ZNF100: variants seen among roughly 807,000 people sequenced by gnomAD.
ZNF100 encodes the protein zinc finger protein 100 (Y1).
In ZNF100, 12 loss-of-function variants were observed where a neutral mutation model predicts 15.8. That is an observed-to-expected ratio of 0.76 (90% CI 0.49 to 1.23). ZNF100 has a LOEUF of 1.23. Among genes scored for constraint, ZNF100 ranks in the 50% most tolerant of loss-of-function variants. The probability of loss-of-function intolerance (pLI) is 0.00; values close to 1 mark genes in which losing one functional copy is unlikely to be tolerated. For missense variants in ZNF100, 670 were observed against 635.6 expected, an observed-to-expected ratio of 1.05 and a Z score of -0.58; for synonymous variants, 226 against 214.8, an observed-to-expected ratio of 1.05 and a Z score of -0.45.
chr19:21,761,404 G>A (rs1483409285), intron 2 of ZNF100, among the ~76,000 whole-genome samples: 6 of 152,128 alleles, frequency 3.9e-5, no homozygotes, highest in Non-Finnish European at 7.4e-5. Flanking sequence ...TTTTACCAAG[G>A]CTTCTGACTA....
At position 21,725,857 on chromosome 19, in the gene ZNF100, C is replaced by A. The variant is rs926851350; in HGVS notation, c.*826G>T. ...GCCTTACATATTTCTACTGTAAATTCTCTGATATTTACAGACTTAATGATT... is the reference window on the plus strand; with the variant it reads ...GCCTTACATATTTCTACTGTAAATTATCTGATATTTACAGACTTAATGATT... On this transcript the variant is annotated 3_prime_UTR_variant, in exon 5 of 5. Coordinates refer to ENST00000358296, the MANE Select transcript of ZNF100 (RefSeq NM_173531.4). 2.7e-5 allele frequency: 4 copies of A among 147,908 alleles called. No homozygotes were observed. Among genetic ancestry groups the A allele is most frequent in the Admixed American group, 6.7e-5 (1 of 14,984 alleles). The allele number at this position is 147,908 out of a possible 1,614,324, so 9.2% of individuals were successfully genotyped here. A position where few individuals can be genotyped will look rare whatever the true frequency, so the allele number is the denominator to read the frequency against.
chr19:21,757,953 C>A (rs78067511), intron 2 of ZNF100, among the ~76,000 whole-genome samples: 8,197 of 152,070 alleles, frequency 0.054, 236 homozygotes, highest in African/African-American at 0.087. Context: ...AGGAGGACCC[C>A]TTGAGCCTTG....
At chr19:21,736,218 G>A (rs762460756) in intron 4 of ZNF100, among the ~76,000 whole-genome samples, 3 of 152,118 alleles carry the variant, frequency 2.0e-5, no homozygotes, top group Non-Finnish European at 2.9e-5. Flanking sequence ...TTCCTGAGTA[G>A]GTGGGATTAC....
chr19:21,731,840 A>G (rs965638436), intron 4 of ZNF100, among the ~76,000 whole-genome samples: 3 of 152,248 alleles, frequency 2.0e-5, no homozygotes, highest in African/African-American at 7.2e-5. Flanking sequence ...AAAGTGCCAG[A>G]ACATCAGACA....
At chr19:21,763,589 G>A (rs890715746) in intron 2 of ZNF100, among the ~76,000 whole-genome samples, 4 of 140,248 alleles carry the variant, frequency 2.9e-5, no homozygotes, top group Non-Finnish European at 4.5e-5. Context: ...ACTCCATCCC[G>A]GGGGGAAAAA....
chr19:21,754,642 C>A (rs1036004563), intron 2 of ZNF100, among the ~76,000 whole-genome samples: 4 of 152,090 alleles, frequency 2.6e-5, no homozygotes, highest in Admixed American at 6.6e-5. Context: ...TTAACTTATA[C>A]AAAAAGTAAC....
rs78722705 is a variant in ZNF100, at chr19:21,726,990, G to A, written c.1322C>T (p.Ser441Phe). 1 of 1,613,016 alleles carries A rather than the reference G, an allele frequency of 6.2e-7. No individual in the cohort carries two copies. Among genetic ancestry groups the A allele is most frequent in the African/African-American group, 1.3e-5 (1 of 74,968 alleles). ...CEECGKAFNE[S>F]SNLTTHKMIH... ...CATCTTATGGGTAGTAAGGTTTGAGGACTCATTAAAAGCTTTGCCACATTC... is the reference window on the plus strand; with the variant it reads ...CATCTTATGGGTAGTAAGGTTTGAGAACTCATTAAAAGCTTTGCCACATTC... Residue 441 changes from serine to phenylalanine, a missense_variant, in exon 5 of 5, where the codon TCC (serine) becomes TTC (phenylalanine). Coordinates refer to ENST00000358296, the MANE Select transcript of ZNF100 (RefSeq NM_173531.4).
chr19:21,727,009 C>A lies in ZNF100; in HGVS notation c.1303G>T (p.Gly435Cys). 6.2e-7 allele frequency: 1 copy of A among 1,613,848 alleles called. No individual in the cohort carries two copies. The highest frequency in any genetic ancestry group is 8.5e-7 in the Non-Finnish European group (1 of 1,179,894). ...TTTGAGGACTCATTAAAAGCTTTGC[C>A]ACATTCTTCACATTTGTAGGGTTTC... ...GEKPYKCEEC[G>C]KAFNESSNLT... Residue 435 changes from glycine to cysteine, a missense_variant, in exon 5 of 5, where the codon GGC becomes TGC. Physicochemically the swap from Gly to Cys is radical, Grantham distance 159 (BLOSUM62 -3). Transcript: ENST00000358296.
intron 4 of ZNF100, among the ~76,000 whole-genome samples, chr19:21,740,274 T>TA (rs1264972234): frequency 6.6e-6 from 1 of 152,214 alleles, no homozygotes; most frequent in Non-Finnish European, 1.5e-5. Context: ...TCAACACTGA[T>TA]AAAGTTGGAT....
At chr19:21,767,355 C>T (rs777722188) in intron 1 of ZNF100, 72 bp downstream of exon 1, 171 of 1,612,130 alleles carry the variant, frequency 1.1e-4, no homozygotes, top group Admixed American at 1.7e-4. Flanking sequence ...CTGAGTCCCG[C>T]CACAGCTACT....
intron 4 of ZNF100, among the ~76,000 whole-genome samples, 193 bp downstream of exon 4, chr19:21,743,824 T>C (rs1342074039): frequency 1.5e-5 from 1 of 65,712 alleles, no homozygotes; most frequent in Non-Finnish European, 2.9e-5. Flanking sequence ...TTTAAAAGCA[T>C]AAGACAGAAG....
Position 21,727,282 on chromosome 19 carries a change from G to A in ZNF100, c.1030C>T (p.Pro344Ser). Residue 344 changes from proline (P) to serine (S), a missense_variant, in exon 5 of 5, where the codon CCC becomes TCC. By Grantham distance (74) the Pro-to-Ser change is moderately conservative (BLOSUM62 -1). Transcript: ENST00000358296. Reference sequence around the variant, plus strand: ...TTGCCACATTCTTCACATTTGTAGGGTTTCTCTCCAGTATGAATTATCCTG... The same window carrying A: ...TTGCCACATTCTTCACATTTGTAGGATTTCTCTCCAGTATGAATTATCCTG... ...THRIIHTGEK[P>S]YKCEECGKAF... is the part of the protein sequence containing the mutation. 5 of 1,613,444 alleles carry A rather than the reference G, an allele frequency of 3.1e-6. No homozygotes were observed. The highest frequency in any genetic ancestry group is 4.2e-6 in the Non-Finnish European group (5 of 1,179,902).
intron 2 of ZNF100, among the ~76,000 whole-genome samples, 153 bp from the exon 3 acceptor site, chr19:21,745,220 T>G (rs1485885770): frequency 6.6e-6 from 1 of 152,208 alleles, no homozygotes; most frequent in Middle Eastern, 3.2e-3. Flanking sequence ...CACAGAAATA[T>G]TCTCTAAAAT....
chr19:21,744,837 A>C, intron 3 of ZNF100, 104 bp downstream of exon 3: 2 of 1,540,074 alleles, frequency 1.3e-6, no homozygotes, highest in Non-Finnish European at 1.7e-6. Flanking sequence ...GAAAAAACGG[A>C]TCAGAAACTC....
chr19:21,730,080 TAATAA>T (rs2035885565), intron 4 of ZNF100, among the ~76,000 whole-genome samples: 1 of 151,752 alleles, frequency 6.6e-6, no homozygotes, highest in Admixed American at 6.6e-5. Context: ...ATAAAACAAT[TAATAA>T]AATAACATTA....
At chr19:21,739,939 T>A (rs2036079376) in intron 4 of ZNF100, among the ~76,000 whole-genome samples, 1 of 152,188 alleles carries the variant, frequency 6.6e-6, no homozygotes, top group South Asian at 2.1e-4. Flanking sequence ...GTGAACAAAT[T>A]CAGTACAATC....
At chr19:21,749,077 C>T (rs1032395819) in intron 2 of ZNF100, among the ~76,000 whole-genome samples, 2 of 152,166 alleles carry the variant, frequency 1.3e-5, no homozygotes, top group African/African-American at 4.8e-5. Flanking sequence ...TTTAATTCAA[C>T]CGTGTATCCA....
At chr19:21,734,467 T>A (rs115566440) in intron 4 of ZNF100, among the ~76,000 whole-genome samples, 1 of 151,936 alleles carries the variant, frequency 6.6e-6, no homozygotes, top group Non-Finnish European at 1.5e-5. Flanking sequence ...ATTTCAGAGC[T>A]TGAAGACTAT....
intron 4 of ZNF100, among the ~76,000 whole-genome samples, 172 bp downstream of exon 4, chr19:21,743,845 G>T (rs1335589296): frequency 7.5e-5 from 7 of 93,958 alleles, no homozygotes; most frequent in Non-Finnish European, 1.2e-4. Context: ...ATGCCCCTAC[G>T]TGACAGCCAA....
Sources: gnomAD v4.1 joint callset for allele counts (sites outside exome capture counted in the v4.1 genomes callset) on GRCh38, gnomAD v4.1.1 for gene constraint, MANE v1.5 for transcripts, NCBI Gene and HGNC (gene_info 2026-07-23, HGNC 2026-07-21) for gene names.